Variants in CLVS1 observed in about 807,000 individuals in gnomAD.
The protein encoded by CLVS1 is clavesin-1.
A neutral mutation model predicts 33.1 loss-of-function variants in CLVS1; 10 were observed. The ratio of observed to expected loss-of-function variants is 0.30; its 90% CI spans 0.19 to 0.51. The LOEUF (loss-of-function observed/expected upper bound fraction) is 0.51, where lower values mean the gene tolerates loss of function less well. Ranked by LOEUF, CLVS1 falls within the 20% of genes least tolerant of loss-of-function variation. CLVS1 has a pLI of 0.97. For synonymous variants in CLVS1, 163 were observed against 166.1 expected (o/e 0.98, Z 0.14); for missense variants, 343 against 433.4 (o/e 0.79, Z 1.85).
chr8:60,993,020 A>G, the CLVS1 span, among the ~76,000 whole-genome samples: 13 of 152,216 alleles, frequency 8.5e-5, no homozygotes, highest in African/African-American at 2.7e-4. Context: ...AGGGGGCTGG[A>G]GCACTAAAAA....
chr8:61,197,088 C>T (rs889786695), intron 2 of CLVS1, among the ~76,000 whole-genome samples: 6 of 152,144 alleles, frequency 3.9e-5, no homozygotes, highest in Admixed American at 2.6e-4. Context: ...ATGAGGCATC[C>T]GTTGTATAAT....
Position 61,458,482 on chromosome 8 carries a change from T to C in CLVS1, c.917T>C (p.Met306Thr). ...NDYTHTSYNA[M>T]HVKHTSSNLE... ...TATACTCACACATCCTATAATGCAA[T>C]GCACGTGAAGCATACGTCCTCGAAT... is the stretch of plus-strand genomic sequence containing the variant. The change falls in exon 5 of 6, where the codon ATG (methionine) becomes ACG (threonine). Residue 306 changes from methionine (M) to threonine (T), a missense_variant. Around this residue, in one of 4 missense-constraint regions of CLVS1, gnomAD observed 86 missense variants for 95.0 expected, o/e 0.91. Coordinates refer to ENST00000325897, the MANE Select transcript of CLVS1 (RefSeq NM_173519.3). 6.2e-7 allele frequency: 1 copy of C among 1,613,894 alleles called. No individual in the cohort carries two copies. The highest frequency in any genetic ancestry group is 8.5e-7 in the Non-Finnish European group (1 of 1,179,942).
At chr8:61,090,861 T>G in intron 1 of CLVS1, 1 of 518,868 alleles carries the variant, frequency 1.9e-6, no homozygotes, top group Non-Finnish European at 3.8e-6. Flanking sequence ...TTTGAGCTGA[T>G]GAGAAGACTG....
chr8:61,226,797 C>G (rs1808339803), intron 2 of CLVS1, among the ~76,000 whole-genome samples: 1 of 152,092 alleles, frequency 6.6e-6, no homozygotes, highest in Non-Finnish European at 1.5e-5. Context: ...TATTTGGTGT[C>G]AGCAGTGATA....
chr8:61,420,404 A>C (rs1332418196), intron 3 of CLVS1, among the ~76,000 whole-genome samples: 7 of 152,006 alleles, frequency 4.6e-5, no homozygotes. Context: ...TCGAGACCAG[A>C]CTGCCTGGCC....
chr8:60,997,172 GTGTGGCGGGGGA>G, the CLVS1 span, among the ~76,000 whole-genome samples: 1 of 152,164 alleles, frequency 6.6e-6, no homozygotes, highest in Non-Finnish European at 1.5e-5. Context: ...GCTCAGGTGT[GTGTGGCGGGGGA>G]TGGTGGACTG....
the CLVS1 span, among the ~76,000 whole-genome samples, chr8:60,989,428 C>T: frequency 9.2e-5 from 14 of 152,132 alleles, no homozygotes; most frequent in Non-Finnish European, 1.6e-4. Context: ...CCACCCACCT[C>T]GGCCTCCCAA....
At chr8:61,222,980 C>T (rs1585702058) in intron 2 of CLVS1, among the ~76,000 whole-genome samples, 1 of 119,212 alleles carries the variant, frequency 8.4e-6, no homozygotes, top group African/African-American at 3.4e-5. Flanking sequence ...TTGTCAGAGA[C>T]TAGGATTGCA....
intron 3 of CLVS1, among the ~76,000 whole-genome samples, chr8:61,379,263 C>G: frequency 6.6e-6 from 1 of 152,120 alleles, no homozygotes; most frequent in East Asian, 1.9e-4. Context: ...CAATTTGGTG[C>G]TAGGCCATCT....
At chr8:61,004,252 T>G in the CLVS1 span, among the ~76,000 whole-genome samples, 1 of 152,208 alleles carries the variant, frequency 6.6e-6, no homozygotes, top group South Asian at 2.1e-4. Flanking sequence ...TTTATATAAC[T>G]TGGGTGAGTA....
At chr8:61,067,975 C>T (rs547929251) in intron 1 of CLVS1, among the ~76,000 whole-genome samples, 47 of 143,036 alleles carry the variant, frequency 3.3e-4, no homozygotes, top group East Asian at 1.1e-3. Flanking sequence ...AAATCTAAAA[C>T]GAAACTTGAT....
intron 1 of CLVS1, among the ~76,000 whole-genome samples, chr8:61,122,013 C>A (rs1347402712): frequency 1.3e-5 from 2 of 152,202 alleles, no homozygotes; most frequent in Non-Finnish European, 2.9e-5. Flanking sequence ...ATTACAATAC[C>A]TGTAGATTAA....
At chr8:61,340,021 AAAGG>A (rs1221976655) in intron 2 of CLVS1, among the ~76,000 whole-genome samples, 2 of 151,634 alleles carry the variant, frequency 1.3e-5, no homozygotes, top group Non-Finnish European at 2.9e-5. Context: ...AAAAAGAAAG[AAAGG>A]AAAAGAAAGA....
intron 4 of CLVS1, among the ~76,000 whole-genome samples, chr8:61,456,276 T>G (rs1817153036): frequency 6.6e-6 from 1 of 152,180 alleles, no homozygotes; most frequent in Non-Finnish European, 1.5e-5. Flanking sequence ...TTTCAAAAAC[T>G]GGACATGTTG....
intron 2 of CLVS1, among the ~76,000 whole-genome samples, chr8:61,307,219 T>C (rs896860841): frequency 6.6e-6 from 1 of 152,148 alleles, no homozygotes; most frequent in African/African-American, 2.4e-5. Flanking sequence ...GAAGATTCTT[T>C]TGTCAGTGTA....
chr8:61,392,424 A>T (rs1021751919), intron 3 of CLVS1, among the ~76,000 whole-genome samples: 1 of 152,174 alleles, frequency 6.6e-6, no homozygotes, highest in Non-Finnish European at 1.5e-5. Context: ...TGCTCCAGTT[A>T]TCTGATTTTC....
At chr8:61,136,785 T>A (rs952492199) in intron 2 of CLVS1, among the ~76,000 whole-genome samples, 3 of 152,194 alleles carry the variant, frequency 2.0e-5, no homozygotes, top group Non-Finnish European at 4.4e-5. Context: ...CAAAACCCCA[T>A]GACACAAGCT....
chr8:61,302,161 T>A (rs1035342192), intron 2 of CLVS1, among the ~76,000 whole-genome samples: 1 of 152,170 alleles, frequency 6.6e-6, no homozygotes, highest in Non-Finnish European at 1.5e-5. Context: ...GGGGTGGGGC[T>A]GTCTAATCTT....
chr8:61,335,341 G>A (rs1454032017), intron 2 of CLVS1, among the ~76,000 whole-genome samples: 2 of 152,234 alleles, frequency 1.3e-5, no homozygotes, highest in African/African-American at 2.4e-5. Context: ...TATAAACTAA[G>A]TTTCTCCCAA....
Sources: gnomAD v4.1 joint callset for allele counts (sites outside exome capture counted in the v4.1 genomes callset) on GRCh38, gnomAD v4.1.1 for gene constraint, gnomAD v4.1.1 regional missense constraint, MANE v1.5 for transcripts, NCBI Gene and HGNC (gene_info 2026-07-23, HGNC 2026-07-21) for gene names.